SPTLC2: variants seen among roughly 807,000 people sequenced by gnomAD.
SPTLC2 encodes the protein serine palmitoyltransferase long chain base subunit 2.
Under a neutral mutation model 62.0 loss-of-function variants are expected in SPTLC2, and 21 were observed. The ratio of observed to expected loss-of-function variants is 0.34; its 90% CI spans 0.24 to 0.49. The LOEUF (loss-of-function observed/expected upper bound fraction) is 0.49. Ranked by LOEUF, SPTLC2 falls within the 20% of genes least tolerant of loss-of-function variation. The pLI, the probability that SPTLC2 is intolerant of heterozygous loss-of-function variation, is 0.99. For missense variants in SPTLC2, 511 were observed against 713.0 expected, an observed-to-expected ratio of 0.72 and a Z score of 3.23; for synonymous variants, 261 against 261.8, an observed-to-expected ratio of 1.00 and a Z score of 0.03.
chr14:77,615,849 G>A (rs1033813247), intron 1 of SPTLC2, among the ~76,000 whole-genome samples: 6 of 152,156 alleles, frequency 3.9e-5, no homozygotes, highest in Non-Finnish European at 8.8e-5. Context: ...CTCACCACCG[G>A]CAGAGTTAAG....
intron 9 of SPTLC2, among the ~76,000 whole-genome samples, chr14:77,531,623 C>T (rs1387237526): frequency 2.0e-5 from 3 of 151,990 alleles, no homozygotes; most frequent in Non-Finnish European, 2.9e-5. Context: ...AAACGATTCT[C>T]CTCCCTCAGC....
At chr14:77,614,695 C>T (rs1285943269) in intron 1 of SPTLC2, among the ~76,000 whole-genome samples, 2 of 145,888 alleles carry the variant, frequency 1.4e-5, no homozygotes, top group Non-Finnish European at 3.0e-5. Flanking sequence ...AAAAATCATA[C>T]CTCGGCCTGG....
intron 3 of SPTLC2, among the ~76,000 whole-genome samples, chr14:77,578,449 A>G (rs4997242): frequency 0.98 from 149,865 of 152,194 alleles, 73,834 homozygotes; most frequent in Middle Eastern, 1. Flanking sequence ...GGGCGCGGTG[A>G]CTCATGCCTG....
chr14:77,616,246 G>A (rs1219715140), intron 1 of SPTLC2, among the ~76,000 whole-genome samples: 1 of 152,172 alleles, frequency 6.6e-6, no homozygotes, highest in Non-Finnish European at 1.5e-5. Flanking sequence ...TCCAGGCGCG[G>A]AGAGGTGGGG....
At chr14:77,530,104 T>A (rs1057417463) in intron 9 of SPTLC2, among the ~76,000 whole-genome samples, 3 of 152,192 alleles carry the variant, frequency 2.0e-5, no homozygotes, top group African/African-American at 7.2e-5. Flanking sequence ...AACAGCTTAA[T>A]CTCATCTCAG....
At chr14:77,541,432 T>G (rs1017408826) in intron 9 of SPTLC2, among the ~76,000 whole-genome samples, 2 of 152,230 alleles carry the variant, frequency 1.3e-5, no homozygotes, top group Non-Finnish European at 2.9e-5. Context: ...TGCCTTATGA[T>G]GGCCTACTTT....
At chr14:77,581,411 T>C (rs889956986) in intron 2 of SPTLC2, among the ~76,000 whole-genome samples, 1 of 144,294 alleles carries the variant, frequency 6.9e-6, no homozygotes, top group African/African-American at 2.5e-5. Flanking sequence ...CTCTCTTTTT[T>C]TTTTTTTTTT....
chr14:77,584,215 T>A (rs1160039937), intron 2 of SPTLC2, among the ~76,000 whole-genome samples: 1 of 152,202 alleles, frequency 6.6e-6, no homozygotes, highest in Non-Finnish European at 1.5e-5. Context: ...AAGTACCACC[T>A]ATTGTAGCAC....
chr14:77,565,203 C>T (rs7401985), intron 5 of SPTLC2, among the ~76,000 whole-genome samples: 139,269 of 144,764 alleles, frequency 0.96, 67,222 homozygotes, highest in Middle Eastern at 1. Flanking sequence ...GATGGCGCCA[C>T]TGCACTCCAG....
intron 8 of SPTLC2, among the ~76,000 whole-genome samples, chr14:77,554,456 T>C (rs2079572145): frequency 1.3e-5 from 2 of 152,180 alleles, no homozygotes; most frequent in Non-Finnish European, 2.9e-5. Flanking sequence ...CTAATCTACT[T>C]TCTGTTTCTA....
intron 6 of SPTLC2, 97 bp from the exon 7 acceptor site, chr14:77,557,243 C>G: frequency 9.2e-7 from 1 of 1,091,892 alleles, no homozygotes; most frequent in South Asian, 1.3e-5. Flanking sequence ...GAAACCATGC[C>G]TCAGATAGCA....
At chr14:77,592,695 C>T (rs189548656) in intron 2 of SPTLC2, among the ~76,000 whole-genome samples, 147 of 152,216 alleles carry the variant, frequency 9.7e-4, no homozygotes, top group Non-Finnish European at 1.7e-3. Context: ...TATTTTGTCA[C>T]CCAGGTACTA....
chr14:77,509,185 G>A lies in SPTLC2; in HGVS notation c.*3099C>T, dbSNP rs573465172. On this transcript the variant is annotated 3_prime_UTR_variant, in exon 12 of 12. Transcript: ENST00000216484. Reference sequence around the variant, plus strand: ...GCTGGATTCTTCAAACAAATAAGCAGTACTTTGGGGGTTATGGAGACTAGA... The same window carrying A: ...GCTGGATTCTTCAAACAAATAAGCAATACTTTGGGGGTTATGGAGACTAGA... 3.9e-5 allele frequency: 6 copies of A among 152,194 alleles called. No homozygotes were observed. The highest frequency in any genetic ancestry group is 7.4e-5 in the Non-Finnish European group (5 of 68,012). 9.4% of individuals were successfully genotyped at this position (152,194 alleles called of 1,614,324 possible). A position where few individuals can be genotyped will look rare whatever the true frequency, so the allele number is the denominator to read the frequency against.
chr14:77,533,263 G>A (rs1353507075), intron 9 of SPTLC2, among the ~76,000 whole-genome samples: 1 of 143,842 alleles, frequency 7.0e-6, no homozygotes, highest in African/African-American at 2.6e-5. Flanking sequence ...CTGTGCCATT[G>A]CACTCTAGCA....
At chr14:77,530,699 T>C (rs933773813) in intron 9 of SPTLC2, among the ~76,000 whole-genome samples, 2 of 152,184 alleles carry the variant, frequency 1.3e-5, no homozygotes, top group African/African-American at 4.8e-5. Flanking sequence ...ATGTTACAGC[T>C]AAGAAACTAA....
intron 5 of SPTLC2, among the ~76,000 whole-genome samples, chr14:77,565,987 G>C (rs2079642934): frequency 6.6e-6 from 1 of 152,150 alleles, no homozygotes; most frequent in South Asian, 2.1e-4. Flanking sequence ...ATAAAGAGAA[G>C]TCAGATTTCT....
At chr14:77,604,731 G>T (rs962409974) in intron 1 of SPTLC2, among the ~76,000 whole-genome samples, 1 of 152,012 alleles carries the variant, frequency 6.6e-6, no homozygotes, top group African/African-American at 2.4e-5. Flanking sequence ...GCCGGGCGTG[G>T]TGGTGCATGC....
intron 9 of SPTLC2, among the ~76,000 whole-genome samples, chr14:77,526,799 C>CTTT (rs11439888): frequency 2.1e-5 from 3 of 146,034 alleles, no homozygotes; most frequent in African/African-American, 7.6e-5. Context: ...TTATTTAGTT[C>CTTT]TTTTTTTTTT....
In SPTLC2 at chr14:77,597,890, G is replaced by A. The variant is rs1268980829; in HGVS notation, c.133-510C>T. 3.3e-5 allele frequency among the ~76,000 whole-genome samples: 5 copies of A among 151,544 alleles called. No individual in the cohort carries two copies. The South Asian group carries it at 6.2e-4, about 19-fold the overall frequency. On this transcript the variant is annotated intron_variant, in intron 1 of 11. Coordinates refer to ENST00000216484, the MANE Select transcript of SPTLC2 (RefSeq NM_004863.4). ...TATAATCCCAGCACTTTGGGAGGCCGAGGCGGACGAATCACCTGAGGTTGG... is the reference window on the plus strand; with the variant it reads ...TATAATCCCAGCACTTTGGGAGGCCAAGGCGGACGAATCACCTGAGGTTGG...
Sources: gnomAD v4.1 joint callset for allele counts (sites outside exome capture counted in the v4.1 genomes callset) on GRCh38, gnomAD v4.1.1 for gene constraint, MANE v1.5 for transcripts, NCBI Gene and HGNC (gene_info 2026-07-23, HGNC 2026-07-21) for gene names.